Variants in DCLRE1C observed in about 807,000 individuals in gnomAD.
The protein encoded by DCLRE1C is DNA cross-link repair 1C, also known as protein artemis.
A neutral mutation model predicts 61.4 loss-of-function variants in DCLRE1C; 47 were observed. The ratio of observed to expected loss-of-function variants is 0.77; its 90% CI spans 0.61 to 0.98. DCLRE1C has a LOEUF of 0.98. DCLRE1C is among the 50% of genes least tolerant of loss of function. DCLRE1C has a pLI of 0.00. For missense variants in DCLRE1C, 858 were observed against 816.0 expected, an observed-to-expected ratio of 1.05 and a Z score of -0.63; for synonymous variants, 337 against 287.6, an observed-to-expected ratio of 1.17 and a Z score of -1.74.
At chr10:14,952,824 G>GA (rs918329159) in intron 1 of DCLRE1C, among the ~76,000 whole-genome samples, 25 of 151,154 alleles carry the variant, frequency 1.7e-4, no homozygotes, top group Admixed American at 7.3e-4. Context: ...TGGCTTTGTG[G>GA]AAAAAAAAAG....
In DCLRE1C at chr10:14,907,649, A is replaced by G. The variant is rs550717857; in HGVS notation, c.*759T>C. On this transcript the variant is annotated 3_prime_UTR_variant, in exon 14 of 14. Coordinates refer to ENST00000378278, the MANE Select transcript of DCLRE1C (RefSeq NM_001033855.3). Reference sequence around the variant, plus strand: ...GAACTAGACCTTTTATCATTAGGAAACTGTCCATATAACCACTCCATTTTT... The same window carrying G: ...GAACTAGACCTTTTATCATTAGGAAGCTGTCCATATAACCACTCCATTTTT... Among the ~76,000 whole-genome samples, 77 of 152,132 alleles carry G rather than the reference A, an allele frequency of 5.1e-4. No homozygotes were observed. The highest frequency in any genetic ancestry group is 1.6e-3 in the African/African-American group (67 of 41,506).
chr10:14,944,559 A>C (rs1841368125), intron 3 of DCLRE1C, among the ~76,000 whole-genome samples: 1 of 152,126 alleles, frequency 6.6e-6, no homozygotes, highest in Admixed American at 6.6e-5. Context: ...GAGATTAAGC[A>C]AACAAAACTG....
chr10:14,915,857 C>T (rs80072078), intron 13 of DCLRE1C, among the ~76,000 whole-genome samples: 323 of 152,186 alleles, frequency 2.1e-3, no homozygotes, highest in Non-Finnish European at 3.8e-3. Context: ...AATATCCCTT[C>T]TGAAAGTAAA....
chr10:14,932,975 C>T lies in DCLRE1C; in HGVS notation c.679-20G>A. The T allele has an allele frequency of 6.2e-7, 1 of 1,606,472 alleles. No homozygotes were observed. Among genetic ancestry groups the T allele is most frequent in the Non-Finnish European group, 8.5e-7 (1 of 1,172,962 alleles). ...ATGAACCTAAGGCAAATAATACATA[C>T]ATGCAAATTATGTGAAATGTATTTC... On this transcript the variant is annotated intron_variant, in intron 8 of 13. Coordinates refer to ENST00000378278, the MANE Select transcript of DCLRE1C (RefSeq NM_001033855.3).
exon 14 of DCLRE1C, chr10:14,898,663 A>G (rs1833775051): frequency 6.6e-6 from 1 of 152,272 alleles, no homozygotes; most frequent in African/African-American, 2.4e-5. Flanking sequence ...TTGGTAACAT[A>G]AAGTACTTTA....
chr10:14,949,744 T>C (rs959625235), intron 1 of DCLRE1C, among the ~76,000 whole-genome samples: 5 of 152,242 alleles, frequency 3.3e-5, no homozygotes, highest in African/African-American at 1.2e-4. Context: ...CAAACAGCTC[T>C]AAATTGTTTA....
At chr10:14,952,510 C>T (rs1842597483) in intron 1 of DCLRE1C, among the ~76,000 whole-genome samples, 1 of 152,114 alleles carries the variant, frequency 6.6e-6, no homozygotes, top group African/African-American at 2.4e-5. Context: ...ATCGCTTGAA[C>T]CCAGGAGGCG....
rs576550414 is a variant in DCLRE1C, at chr10:14,921,989, A to C, written c.1061+992T>G. 9.2e-5 allele frequency among the ~76,000 whole-genome samples: 14 copies of C among 152,330 alleles called. No homozygotes were observed. In the East Asian group the frequency reaches 2.7e-3, roughly 29 times the overall value. On this transcript the variant is annotated intron_variant, in intron 12 of 13. Coordinates refer to ENST00000378278, the MANE Select transcript of DCLRE1C (RefSeq NM_001033855.3). Reference sequence around the variant, plus strand: ...GTCCCCATCGGGGTCTGCGAAGCAGATTCCCTGACACGGGGCCTCATTCCT... The same window carrying C: ...GTCCCCATCGGGGTCTGCGAAGCAGCTTCCCTGACACGGGGCCTCATTCCT...
intron 1 of DCLRE1C, among the ~76,000 whole-genome samples, chr10:14,952,491 G>A (rs570473255): frequency 5.9e-5 from 9 of 152,290 alleles, no homozygotes; most frequent in African/African-American, 1.9e-4. Flanking sequence ...GGGAGGCTGA[G>A]GCACGAGAAT....
intron 3 of DCLRE1C, among the ~76,000 whole-genome samples, chr10:14,941,924 AT>A (rs1294054630): frequency 1.1e-4 from 16 of 151,926 alleles, no homozygotes; most frequent in African/African-American, 3.9e-4. Context: ...TTGATTTCCT[AT>A]TTCTTGCCCT....
At chr10:14,944,663 T>G (rs1323343528) in intron 3 of DCLRE1C, among the ~76,000 whole-genome samples, 1 of 146,220 alleles carries the variant, frequency 6.8e-6, no homozygotes, top group African/African-American at 2.6e-5. Context: ...ACAGACTTAA[T>G]TTTTTTTTTC....
intron 3 of DCLRE1C, among the ~76,000 whole-genome samples, chr10:14,940,140 T>C (rs1380516879): frequency 9.2e-5 from 14 of 152,292 alleles, no homozygotes; most frequent in Admixed American, 9.2e-4. Flanking sequence ...TCATTTTTCC[T>C]CCTTCATCTC....
chr10:14,932,921 A>G lies in DCLRE1C; in HGVS notation c.713T>C (p.Met238Thr). 4 of 1,614,234 alleles carry G rather than the reference A, an allele frequency of 2.5e-6. No individual in the cohort carries two copies. The highest frequency in any genetic ancestry group is 3.4e-6 in the Non-Finnish European group (4 of 1,180,040). ...TGTGAGATGATGAAGGATCTCAGGC[A>G]TGTTCCTAAACATGTCTAGCTTATT... ...HVNKLDMFRN[M>T]PEILHHLTTD... is the part of the protein sequence containing the mutation. Residue 238 changes from methionine (M) to threonine (T), a missense_variant, in exon 9 of 14, where the codon ATG becomes ACG. Physicochemically the swap from Met to Thr is moderately conservative, Grantham distance 81. Coordinates refer to ENST00000378278, the MANE Select transcript of DCLRE1C (RefSeq NM_001033855.3).
chr10:14,899,778 T>C, downstream of DCLRE1C: 1 of 1,411,344 alleles, frequency 7.1e-7, no homozygotes, highest in Non-Finnish European at 9.6e-7. Flanking sequence ...AAACTACATA[T>C]CCTTTTAACA....
In DCLRE1C at chr10:14,907,344, T is replaced by A. The variant is rs41300688; in HGVS notation, c.*1064A>T. 6.6e-6 allele frequency among the ~76,000 whole-genome samples: 1 copy of A among 151,126 alleles called. No homozygotes were observed. The highest frequency in any genetic ancestry group is 1.5e-5 in the Non-Finnish European group (1 of 67,908). On this transcript the variant is annotated 3_prime_UTR_variant, in exon 14 of 14. Coordinates refer to ENST00000378278, the MANE Select transcript of DCLRE1C (RefSeq NM_001033855.3). Reference sequence around the variant, plus strand: ...TCAGGTGTGTTTATGAGCAAAGATATGATCATGCTGAATGTTCCATGTGTA... The same window carrying A: ...TCAGGTGTGTTTATGAGCAAAGATAAGATCATGCTGAATGTTCCATGTGTA...
At chr10:14,912,541 G>T (rs188410112) in intron 13 of DCLRE1C, among the ~76,000 whole-genome samples, 161 of 152,314 alleles carry the variant, frequency 1.1e-3, no homozygotes, top group African/African-American at 3.6e-3. Context: ...CAGCTGGTGA[G>T]TGGATAAATA....
At chr10:14,946,681 G>T (rs1287551493) in intron 2 of DCLRE1C, among the ~76,000 whole-genome samples, 1 of 151,300 alleles carries the variant, frequency 6.6e-6, no homozygotes, top group African/African-American at 2.4e-5. Context: ...TTTTTTTTAG[G>T]GGGAGGGGAG....
In DCLRE1C at chr10:14,909,337, G is replaced by GACAA. The variant is rs1834863237; in HGVS notation, c.1157-11_1157-8dup. 1.9e-6 allele frequency: 3 copies of GACAA among 1,612,186 alleles called. No homozygotes were observed. The highest frequency in any genetic ancestry group is 2.2e-5 in the South Asian group (2 of 90,872). ...AGATAGTCATCTTCCTCCTCTGTGG[G>GACAA]ACAAACAAAACAGGTTTATAGGAAA... On this transcript the variant is annotated splice_region_variant and splice_polypyrimidine_tract_variant and intron_variant, in intron 13 of 13. Transcript: ENST00000378278.
chr10:14,918,766 T>C (rs899584259), intron 13 of DCLRE1C, among the ~76,000 whole-genome samples: 3 of 151,952 alleles, frequency 2.0e-5, no homozygotes, highest in Non-Finnish European at 2.9e-5. Flanking sequence ...ACAAATGTGG[T>C]TTTTTTTGGG....
Sources: allele counts gnomAD v4.1 joint callset (sites outside exome capture counted in the v4.1 genomes callset), GRCh38; gene constraint gnomAD v4.1.1; transcripts MANE v1.5; gene names NCBI Gene and HGNC (gene_info 2026-07-23, HGNC 2026-07-21).